Variants in PKD2L2 observed in about 807,000 individuals in gnomAD.
PKD2L2 encodes polycystin-2-like protein 2.
In PKD2L2, 67 loss-of-function variants were observed where a neutral mutation model predicts 83.9. The observed-to-expected ratio is 0.80, with a 90% confidence interval of 0.66 to 0.98. The LOEUF (loss-of-function observed/expected upper bound fraction) is 0.98, where lower values mean the gene tolerates loss of function less well. Among genes scored for constraint, PKD2L2 ranks in the 50% least tolerant of loss-of-function variants. PKD2L2 has a pLI of 0.00. For synonymous variants in PKD2L2, 223 were observed against 237.8 expected, an observed-to-expected ratio of 0.94 and a Z score of 0.57; for missense variants, 632 against 717.2, an observed-to-expected ratio of 0.88 and a Z score of 1.36.
At chr5:137,910,737 C>T (rs1757763402) in intron 8 of PKD2L2, among the ~76,000 whole-genome samples, 1 of 151,328 alleles carries the variant, frequency 6.6e-6, no homozygotes, top group African/African-American at 2.4e-5. Context: ...CAAGATCATG[C>T]CACTGCACTC....
intron 2 of PKD2L2, among the ~76,000 whole-genome samples, chr5:137,890,823 T>C (rs953060254): frequency 1.3e-5 from 2 of 152,248 alleles, no homozygotes; most frequent in African/African-American, 4.8e-5. Context: ...CCATAGTCAA[T>C]ACTGACTGAA....
intron 5 of PKD2L2, among the ~76,000 whole-genome samples, chr5:137,901,797 G>C (rs1394650464): frequency 6.6e-6 from 1 of 152,184 alleles, no homozygotes; most frequent in Non-Finnish European, 1.5e-5. Flanking sequence ...CGACACTGTG[G>C]AAGAGAACCC....
At chr5:137,926,496 T>A (rs1759388464) in intron 12 of PKD2L2, among the ~76,000 whole-genome samples, 1 of 152,146 alleles carries the variant, frequency 6.6e-6, no homozygotes, top group African/African-American at 2.4e-5. Flanking sequence ...CATTTTCGGA[T>A]AAAGGAATTA....
At chr5:137,904,281 A>G (rs1757191499) in intron 5 of PKD2L2, among the ~76,000 whole-genome samples, 1 of 152,202 alleles carries the variant, frequency 6.6e-6, no homozygotes, top group Non-Finnish European at 1.5e-5. Context: ...AAGGATTACC[A>G]TGATTGGATC....
At chr5:137,935,994 C>A in intron 13 of PKD2L2, 85 bp downstream of exon 13, 1 of 808,758 alleles carries the variant, frequency 1.2e-6, no homozygotes, top group Non-Finnish European at 2.1e-6. Context: ...TTTTCCTGAA[C>A]CCAAAACTTT....
chr5:137,906,368 AAT>A lies in PKD2L2; in HGVS notation c.911_912del (p.Ile304LysfsTer4). On this transcript the variant is annotated frameshift_variant, in exon 6 of 15. Coordinates refer to ENST00000508883, the MANE Select transcript of PKD2L2 (RefSeq NM_001300921.2). LOFTEE classifies it high-confidence loss of function. ...FVFTTQEVKK[I>X]KEFKSAYFKS... ...TCTTCACAACACAAGAAGTCAAAAAAATAAAAGAATTTAAGTCTGCCTATTTC... is the reference window on the plus strand; with the variant it reads ...TCTTCACAACACAAGAAGTCAAAAAAAAAAGAATTTAAGTCTGCCTATTTC... 1 of 1,611,086 alleles carries A rather than the reference AAT, an allele frequency of 6.2e-7. No individual in the cohort carries two copies. Among genetic ancestry groups the A allele is most frequent in the Non-Finnish European group, 8.5e-7 (1 of 1,177,828 alleles).
At chr5:137,940,223 T>C in intron 14 of PKD2L2, 1 of 1,613,988 alleles carries the variant, frequency 6.2e-7, no homozygotes, top group Non-Finnish European at 8.5e-7. Context: ...AAGGAACGTA[T>C]CTTATATGGA....
chr5:137,891,845 G>A (rs1008463080), intron 2 of PKD2L2, among the ~76,000 whole-genome samples: 12 of 152,034 alleles, frequency 7.9e-5, no homozygotes, highest in African/African-American at 1.7e-4. Flanking sequence ...CACCACGCCC[G>A]GCTAATTTTG....
At chr5:137,904,028 T>C (rs1157109205) in intron 5 of PKD2L2, among the ~76,000 whole-genome samples, 1 of 152,190 alleles carries the variant, frequency 6.6e-6, no homozygotes, top group African/African-American at 2.4e-5. Context: ...AGTGCTGGGA[T>C]TACAGACGTG....
intron 12 of PKD2L2, among the ~76,000 whole-genome samples, chr5:137,932,450 T>TA (rs1308794827): frequency 6.6e-6 from 1 of 151,726 alleles, no homozygotes; most frequent in African/African-American, 2.4e-5. Context: ...GTATTTCAAA[T>TA]AGAGAAAATA....
At chr5:137,917,191 C>G (rs1208881801) in intron 8 of PKD2L2, among the ~76,000 whole-genome samples, 1 of 118,598 alleles carries the variant, frequency 8.4e-6, no homozygotes, top group African/African-American at 3.2e-5. Flanking sequence ...AGATGGGAAT[C>G]TCACTCTGTC....
At chr5:137,924,277 A>G (rs1196430000) in intron 10 of PKD2L2, among the ~76,000 whole-genome samples, 2 of 152,206 alleles carry the variant, frequency 1.3e-5, no homozygotes, top group African/African-American at 4.8e-5. Context: ...TTCATTAACT[A>G]TAATTTTACT....
intron 12 of PKD2L2, among the ~76,000 whole-genome samples, chr5:137,926,822 G>A (rs1759416412): frequency 6.6e-6 from 1 of 152,064 alleles, no homozygotes; most frequent in Non-Finnish European, 1.5e-5. Flanking sequence ...TAGTATTTGC[G>A]GGCTAAGGAG....
Position 137,914,323 on chromosome 5 carries a change from C to T in PKD2L2, c.1328+5377C>T, listed in dbSNP as rs59892796. 9.2e-5 allele frequency among the ~76,000 whole-genome samples: 14 copies of T among 152,048 alleles called. No individual in the cohort carries two copies. In the South Asian group the frequency reaches 1.2e-3, roughly 14 times the overall value. ...TGCTGATATGACACTCAAAGAAATG[C>T]GCATTGGAGCATTCTGGATTTCAAA... On this transcript the variant is annotated intron_variant, in intron 8 of 14. Transcript: ENST00000508883.
intron 8 of PKD2L2, among the ~76,000 whole-genome samples, chr5:137,921,238 G>A (rs1758864998): frequency 6.6e-6 from 1 of 151,984 alleles, no homozygotes; most frequent in Non-Finnish European, 1.5e-5. Context: ...GTGCACACCT[G>A]TAATCCCAGC....
intron 2 of PKD2L2, 51 bp from the exon 3 acceptor site, chr5:137,892,429 T>TAA: frequency 9.4e-7 from 1 of 1,059,178 alleles, no homozygotes; most frequent in Non-Finnish European, 1.3e-6. Context: ...TTAATCCTGA[T>TAA]AAGCTGAGTT....
At chr5:137,915,738 C>G (rs1165506149) in intron 8 of PKD2L2, among the ~76,000 whole-genome samples, 1 of 152,092 alleles carries the variant, frequency 6.6e-6, no homozygotes, top group Non-Finnish European at 1.5e-5. Context: ...TGTCCAAAAA[C>G]AAACTGAAAA....
In PKD2L2 at chr5:137,907,408, G is replaced by A. The variant is rs2150020843; in HGVS notation, c.976-334G>A. Among the ~76,000 whole-genome samples the A allele has an allele frequency of 2.0e-5, 3 of 152,262 alleles. No homozygotes were observed. In the South Asian group the frequency reaches 6.2e-4, roughly 32 times the overall value. ...CTTGTAGTGTTACACGGTAGAAAAT[G>A]TTTAGCTTTTAAGTATTATGTAGAG... is the stretch of plus-strand genomic sequence containing the variant. On this transcript the variant is annotated intron_variant, in intron 6 of 14. Transcript: ENST00000508883.
chr5:137,917,506 A>T (rs1580954813), intron 8 of PKD2L2, among the ~76,000 whole-genome samples: 1 of 152,106 alleles, frequency 6.6e-6, no homozygotes, highest in South Asian at 2.1e-4. Context: ...AATAATGTCA[A>T]TTATCCTATC....
Sources: gnomAD v4.1 joint callset for allele counts (sites outside exome capture counted in the v4.1 genomes callset) on GRCh38, gnomAD v4.1.1 for gene constraint, MANE v1.5 for transcripts, NCBI Gene and HGNC (gene_info 2026-07-23, HGNC 2026-07-21) for gene names.